Variants in PANX1 observed in about 807,000 individuals in gnomAD.
The protein encoded by PANX1 is pannexin-1.
Under a neutral mutation model 38.7 loss-of-function variants are expected in PANX1, and 30 were observed. The observed-to-expected ratio is 0.78, with a 90% CI of 0.58 to 1.05. The LOEUF (loss-of-function observed/expected upper bound fraction) is 1.05, where lower values mean the gene tolerates loss of function less well. PANX1 is among the 50% of genes least tolerant of loss of function. The probability of loss-of-function intolerance (pLI) is 0.00; values close to 1 mark genes in which losing one functional copy is unlikely to be tolerated. For missense variants in PANX1, 551 were observed against 517.2 expected, an observed-to-expected ratio of 1.07 and a Z score of -0.63; for synonymous variants, 230 against 212.2, an observed-to-expected ratio of 1.08 and a Z score of -0.73.
chr11:94,132,538 C>T (rs1377810173), intron 1 of PANX1, among the ~76,000 whole-genome samples: 1 of 152,072 alleles, frequency 6.6e-6, no homozygotes, highest in East Asian at 1.9e-4. Context: ...AAGTAAGGGT[C>T]CAGGGGCTCC....
chr11:94,138,461 G>A (rs1395373399), intron 1 of PANX1, among the ~76,000 whole-genome samples: 1 of 151,682 alleles, frequency 6.6e-6, no homozygotes, highest in East Asian at 1.9e-4. Flanking sequence ...TTCTTTTCCG[G>A]TTGTCCGTTT....
rs1199326380 is a variant in PANX1, at chr11:94,179,806, A to C, written c.750A>C (p.Ser250=). 6.2e-7 allele frequency: 1 copy of C among 1,614,026 alleles called. No homozygotes were observed. The highest frequency in any genetic ancestry group is 8.5e-7 in the Non-Finnish European group (1 of 1,180,026). The stretch of plus-strand genomic sequence containing the variant: ...ACGAGTTTGTGTGCAGCATCAAATC[A>C]GGGATCCTGAGAAACGACAGCACCG... The part of the protein sequence containing the change: ...LSDEFVCSIK[S]GILRNDSTVP... Residue 250 remains serine, a synonymous_variant, in exon 4 of 5, where the codon TCA becomes TCC. Transcript: ENST00000227638.
At chr11:94,163,869 C>G (rs554684788) in intron 2 of PANX1, among the ~76,000 whole-genome samples, 1 of 152,196 alleles carries the variant, frequency 6.6e-6, no homozygotes, top group African/African-American at 2.4e-5. Context: ...CTGGGCTTTT[C>G]TTTGATGGGA....
chr11:94,150,451 C>G (rs1946870775), intron 1 of PANX1, among the ~76,000 whole-genome samples: 1 of 152,154 alleles, frequency 6.6e-6, no homozygotes, highest in Non-Finnish European at 1.5e-5. Context: ...GTTTACCTCC[C>G]AATATTATCT....
At chr11:94,173,096 G>A (rs1321571834) in intron 2 of PANX1, among the ~76,000 whole-genome samples, 1 of 151,694 alleles carries the variant, frequency 6.6e-6, no homozygotes, top group Non-Finnish European at 1.5e-5. Flanking sequence ...TGTAAGTGCG[G>A]TATTACCTGA....
chr11:94,133,184 C>G (rs530544477), intron 1 of PANX1, among the ~76,000 whole-genome samples: 2 of 152,312 alleles, frequency 1.3e-5, no homozygotes, highest in African/African-American at 4.8e-5. Context: ...GAGGTTCTGG[C>G]CCCTTCCCTC....
chr11:94,130,052 A>G (rs1388396720), intron 1 of PANX1, among the ~76,000 whole-genome samples: 1 of 152,218 alleles, frequency 6.6e-6, no homozygotes, highest in Non-Finnish European at 1.5e-5. Flanking sequence ...GGTCTTACAA[A>G]TGTGAGATGA....
chr11:94,167,115 G>A (rs1182777876), intron 2 of PANX1, among the ~76,000 whole-genome samples: 1 of 152,168 alleles, frequency 6.6e-6, no homozygotes, highest in Non-Finnish European at 1.5e-5. Context: ...AAGTCTGCCT[G>A]GTGTTGTGTG....
chr11:94,172,195 A>G (rs1157248169), intron 2 of PANX1, among the ~76,000 whole-genome samples: 3 of 151,608 alleles, frequency 2.0e-5, no homozygotes, highest in Non-Finnish European at 2.9e-5. Flanking sequence ...CATCTAGGCC[A>G]TTAGGTTGGA....
intron 3 of PANX1, 84 bp from the exon 4 acceptor site, chr11:94,179,518 T>G: frequency 2.1e-6 from 2 of 957,574 alleles, no homozygotes; most frequent in Non-Finnish European, 3.2e-6. Flanking sequence ...ATTTTTAGTG[T>G]GACATTGTTG....
intron 2 of PANX1, among the ~76,000 whole-genome samples, chr11:94,161,273 A>C (rs940831702): frequency 1.4e-4 from 21 of 152,182 alleles, no homozygotes; most frequent in South Asian, 4.1e-4. Context: ...TGTTGGCCTG[A>C]CTTGCTAGAT....
chr11:94,174,467 C>A (rs1283426288), intron 2 of PANX1, among the ~76,000 whole-genome samples: 1 of 151,612 alleles, frequency 6.6e-6, no homozygotes, highest in Admixed American at 6.6e-5. Context: ...ATTTTATTGC[C>A]GCACTGTACT....
At chr11:94,139,157 A>T (rs2134478714) in intron 1 of PANX1, among the ~76,000 whole-genome samples, 1 of 152,270 alleles carries the variant, frequency 6.6e-6, no homozygotes, top group Admixed American at 6.5e-5. Flanking sequence ...ATTAATTTTC[A>T]TGAAAATACC....
chr11:94,138,641 C>T (rs990983620), intron 1 of PANX1, among the ~76,000 whole-genome samples: 2 of 152,122 alleles, frequency 1.3e-5, no homozygotes, highest in African/African-American at 4.8e-5. Context: ...ATTTATCCTT[C>T]GTTACAAACA....
intron 2 of PANX1, among the ~76,000 whole-genome samples, chr11:94,173,259 G>A (rs747387187): frequency 6.6e-5 from 10 of 151,418 alleles, no homozygotes; most frequent in Non-Finnish European, 1.0e-4. Flanking sequence ...AATGTTATAG[G>A]GTCTCAGGCC....
intron 3 of PANX1, 29 bp downstream of exon 3, chr11:94,178,621 G>A (rs750876914): frequency 1.9e-5 from 30 of 1,541,240 alleles, no homozygotes; most frequent in Non-Finnish European, 2.5e-5. Flanking sequence ...GCAGCTCATC[G>A]GGTTTTGTAG....
chr11:94,135,539 C>T (rs1374306001), intron 1 of PANX1, among the ~76,000 whole-genome samples: 1 of 152,078 alleles, frequency 6.6e-6, no homozygotes, highest in Non-Finnish European at 1.5e-5. Context: ...TCAGAGTGGG[C>T]CAATATTTAG....
chr11:94,150,668 C>G (rs940600287), intron 1 of PANX1, among the ~76,000 whole-genome samples: 1 of 152,152 alleles, frequency 6.6e-6, no homozygotes, highest in Non-Finnish European at 1.5e-5. Flanking sequence ...GCTTTGCCCC[C>G]CTCTTCACTC....
chr11:94,157,564 G>A (rs1390586339), intron 2 of PANX1, among the ~76,000 whole-genome samples: 6 of 152,138 alleles, frequency 3.9e-5, no homozygotes, highest in East Asian at 1.9e-4. Context: ...CATGTCCTTC[G>A]CCCACTTTTT....
Sources: gnomAD v4.1 joint callset for allele counts (sites outside exome capture counted in the v4.1 genomes callset) on GRCh38, gnomAD v4.1.1 for gene constraint, MANE v1.5 for transcripts, NCBI Gene and HGNC (gene_info 2026-07-23, HGNC 2026-07-21) for gene names.